Variants in CASD1 observed in about 807,000 individuals in gnomAD.
CASD1 encodes the protein N-acetylneuraminate (7)9-O-acetyltransferase.
A neutral mutation model predicts 100.0 loss-of-function variants in CASD1; 41 were observed. The observed-to-expected ratio is 0.41, with a 90% CI of 0.32 to 0.53. The LOEUF (loss-of-function observed/expected upper bound fraction) is 0.53, where lower values mean the gene tolerates loss of function less well. Ranked by LOEUF, CASD1 falls within the 20% of genes least tolerant of loss-of-function variation. CASD1 has a pLI of 0.25. For synonymous variants in CASD1, 321 were observed against 315.6 expected, an observed-to-expected ratio of 1.02 and a Z score of -0.18; for missense variants, 774 against 948.7, an observed-to-expected ratio of 0.82 and a Z score of 2.42.
intron 2 of CASD1, 44 bp from the exon 3 acceptor site, chr7:94,518,159 G>A (rs374610606): frequency 1.5e-4 from 213 of 1,463,656 alleles, no homozygotes; most frequent in Non-Finnish European, 1.9e-4. Context: ...TGCCAGGATG[G>A]CTGATTTTAC....
In CASD1 at chr7:94,528,250, G is replaced by A. The variant is rs1448817347; in HGVS notation, c.459G>A (p.Glu153=). Residue 153 remains glutamate (E), a splice_region_variant and synonymous_variant, in exon 5 of 18, where the codon GAG becomes GAA. Coordinates refer to ENST00000297273, the MANE Select transcript of CASD1 (RefSeq NM_022900.5). ...AACAGTGTATCAAAGTGTGGACTGAGGTCTGTATTTAAAAAACATAGGCTT... is the reference window on the plus strand; with the variant it reads ...AACAGTGTATCAAAGTGTGGACTGAAGTCTGTATTTAAAAAACATAGGCTT... ...SMKQCIKVWT[E]DSIAKPHVIV... 3 of 1,568,974 alleles carry A rather than the reference G, an allele frequency of 1.9e-6. No homozygotes were observed. Among genetic ancestry groups the A allele is most frequent in the Non-Finnish European group, 2.6e-6 (3 of 1,161,504 alleles).
chr7:94,613,809 T>A, the CASD1 span, among the ~76,000 whole-genome samples: 2 of 152,128 alleles, frequency 1.3e-5, no homozygotes, highest in African/African-American at 4.8e-5. Flanking sequence ...TGTCCATATA[T>A]GTTACATGTT....
intron 11 of CASD1, 83 bp downstream of exon 11, chr7:94,544,613 A>G (rs1584423076): frequency 7.2e-7 from 1 of 1,388,262 alleles, no homozygotes; most frequent in East Asian, 2.4e-5. Context: ...AAATATAAAT[A>G]TAGTCATTAT....
the CASD1 span, among the ~76,000 whole-genome samples, chr7:94,563,361 T>G: frequency 6.6e-6 from 1 of 152,122 alleles, no homozygotes; most frequent in Non-Finnish European, 1.5e-5. Flanking sequence ...TATACATAGC[T>G]AAGGAATTTG....
rs898919598 is a variant in CASD1, at chr7:94,533,543, TTGAC to T, written c.505-132_505-129del. On this transcript the variant is annotated intron_variant, in intron 6 of 17. Coordinates refer to ENST00000297273, the MANE Select transcript of CASD1 (RefSeq NM_022900.5). ...GCTTTCATATATTTCATGAACTAAT[TTGAC>T]TGAATTTTATTCTAATATTAAATAA... is the stretch of plus-strand genomic sequence containing the variant. 1.6e-4 allele frequency: 112 copies of T among 685,888 alleles called. 2 individuals are homozygous for T. The African/African-American group carries it at 1.7e-3, about 11-fold the overall frequency. 42.5% of individuals were successfully genotyped at this position (685,888 alleles called of 1,614,324 possible).
intron 10 of CASD1, among the ~76,000 whole-genome samples, chr7:94,543,433 C>G (rs892178247): frequency 6.6e-6 from 1 of 152,106 alleles, no homozygotes; most frequent in African/African-American, 2.4e-5. Flanking sequence ...GCGGGTAGAT[C>G]ACCCGAGGTC....
the CASD1 span, chr7:94,629,705 C>T: frequency 6.2e-7 from 1 of 1,609,956 alleles, no homozygotes; most frequent in Non-Finnish European, 8.5e-7. Flanking sequence ...TTTTTTTCCT[C>T]ACAAAGAACA....
intron 3 of CASD1, among the ~76,000 whole-genome samples, chr7:94,522,913 G>A (rs904575240): frequency 2.0e-5 from 3 of 152,052 alleles, no homozygotes; most frequent in Admixed American, 2.0e-4. Flanking sequence ...CACCCACCTC[G>A]GCCTCCCAAA....
At chr7:94,567,135 TAC>T in the CASD1 span, among the ~76,000 whole-genome samples, 2 of 152,132 alleles carry the variant, frequency 1.3e-5, no homozygotes, top group Non-Finnish European at 2.9e-5. Flanking sequence ...ATCTTTCTGT[TAC>T]AGATTTATTT....
At chr7:94,576,115 A>G in the CASD1 span, among the ~76,000 whole-genome samples, 53 of 152,272 alleles carry the variant, frequency 3.5e-4, no homozygotes, top group African/African-American at 1.2e-3. Context: ...CCCATTATGC[A>G]TATGATGATA....
chr7:94,538,208 G>C (rs1415031562), intron 9 of CASD1, among the ~76,000 whole-genome samples: 4 of 152,044 alleles, frequency 2.6e-5, no homozygotes, highest in Admixed American at 2.6e-4. Context: ...ATTTTATAAT[G>C]GTCTTCAAGC....
At chr7:94,536,827 T>C (rs977301043) in intron 8 of CASD1, among the ~76,000 whole-genome samples, 1 of 152,210 alleles carries the variant, frequency 6.6e-6, no homozygotes, top group Non-Finnish European at 1.5e-5. Flanking sequence ...AATAATTTTA[T>C]TATAATCAAA....
chr7:94,602,941 G>A, the CASD1 span, among the ~76,000 whole-genome samples: 1 of 151,990 alleles, frequency 6.6e-6, no homozygotes, highest in Middle Eastern at 3.2e-3. Context: ...TTCCAAAGTG[G>A]GTTAGTGGCA....
the CASD1 span, among the ~76,000 whole-genome samples, chr7:94,580,211 C>T: frequency 3.3e-5 from 5 of 152,080 alleles, no homozygotes; most frequent in Non-Finnish European, 7.3e-5. Flanking sequence ...TCAAATATGA[C>T]CACATCCTAT....
the CASD1 span, among the ~76,000 whole-genome samples, chr7:94,583,722 A>G: frequency 3.3e-5 from 5 of 152,296 alleles, no homozygotes; most frequent in Admixed American, 6.5e-5. Context: ...AGATCAAGGG[A>G]TTATGCTGGC....
the CASD1 span, chr7:94,617,007 G>A: frequency 1.3e-5 from 2 of 152,212 alleles, no homozygotes; most frequent in African/African-American, 4.8e-5. Context: ...CTGACGGCAT[G>A]TGCCACCCTC....
At chr7:94,516,311 C>G (rs2116189390) in intron 1 of CASD1, among the ~76,000 whole-genome samples, 1 of 152,154 alleles carries the variant, frequency 6.6e-6, no homozygotes, top group East Asian at 1.9e-4. Context: ...AACAACACCA[C>G]TTTCAATATT....
At chr7:94,605,193 A>G in the CASD1 span, among the ~76,000 whole-genome samples, 1 of 152,126 alleles carries the variant, frequency 6.6e-6, no homozygotes, top group Non-Finnish European at 1.5e-5. Context: ...AGATGTTGAA[A>G]TTATCAGACC....
At chr7:94,631,068 G>T in the CASD1 span, among the ~76,000 whole-genome samples, 1 of 151,920 alleles carries the variant, frequency 6.6e-6, no homozygotes, top group African/African-American at 2.4e-5. Flanking sequence ...AACTTCAAAG[G>T]CTGTGTAACA....
Sources: gnomAD v4.1 joint callset for allele counts (sites outside exome capture counted in the v4.1 genomes callset) on GRCh38, gnomAD v4.1.1 for gene constraint, MANE v1.5 for transcripts, NCBI Gene and HGNC (gene_info 2026-07-23, HGNC 2026-07-21) for gene names.